SPIDR: variants seen among roughly 807,000 people sequenced by gnomAD.
SPIDR encodes DNA repair-scaffolding protein.
A neutral mutation model predicts 104.6 loss-of-function variants in SPIDR; 93 were observed. That is an observed-to-expected ratio of 0.89 (90% CI 0.75 to 1.06). The LOEUF is 1.06. SPIDR is among the 50% of genes least tolerant of loss of function. The pLI is 0.00. For synonymous variants in SPIDR, 431 were observed against 416.9 expected (o/e 1.03, Z -0.41); for missense variants, 1,154 against 1,111.2 (o/e 1.04, Z -0.55).
intron 8 of SPIDR, among the ~76,000 whole-genome samples, chr8:47,505,356 T>A (rs1046747879): frequency 1.3e-5 from 2 of 152,308 alleles, no homozygotes; most frequent in South Asian, 4.1e-4. Flanking sequence ...TCCCCAAGCC[T>A]CGCTGCCGCC....
intron 7 of SPIDR, among the ~76,000 whole-genome samples, chr8:47,437,952 G>A (rs1424209408): frequency 2.0e-5 from 3 of 152,196 alleles, no homozygotes; most frequent in Non-Finnish European, 4.4e-5. Flanking sequence ...ACTGTAGTCA[G>A]GCAGTATGAT....
In SPIDR at chr8:47,735,380, AC is replaced by A; in HGVS notation, c.2681del (p.Pro894ArgfsTer13). The A allele has an allele frequency of 6.2e-7, 1 of 1,613,936 alleles. No homozygotes were observed. The highest frequency in any genetic ancestry group is 1.1e-5 in the South Asian group (1 of 91,082). ...TGTTTTGTCCAGTCCGTAACCGCCC[AC>A]CCGACCAGCTGCATTGGATTGGAGG... ...LNCFVQSVTA[H>X]PTSCIGLEEI... is the part of the protein sequence containing the mutation. On this transcript the variant is annotated frameshift_variant, in exon 20 of 20. Coordinates refer to ENST00000297423, the MANE Select transcript of SPIDR (RefSeq NM_001080394.4). LOFTEE classifies it low-confidence loss of function (END_TRUNC).
intron 16 of SPIDR, among the ~76,000 whole-genome samples, chr8:47,722,501 G>A (rs2154492293): frequency 6.6e-6 from 1 of 152,294 alleles, no homozygotes. Context: ...GAGGGGTTTT[G>A]TTCTTCCATT....
At chr8:47,533,304 A>G (rs1302034101) in intron 8 of SPIDR, among the ~76,000 whole-genome samples, 5 of 152,180 alleles carry the variant, frequency 3.3e-5, no homozygotes, top group African/African-American at 1.2e-4. Context: ...TAAATGTAAA[A>G]TCCCAAACTA....
chr8:47,304,273 C>T (rs2154250283), intron 5 of SPIDR, among the ~76,000 whole-genome samples: 1 of 152,230 alleles, frequency 6.6e-6, no homozygotes, highest in East Asian at 1.9e-4. Context: ...TGGAAGGTGA[C>T]TGGATTATGG....
chr8:47,312,024 C>G (rs180780768), intron 5 of SPIDR, among the ~76,000 whole-genome samples: 34 of 152,254 alleles, frequency 2.2e-4, no homozygotes, highest in Non-Finnish European at 4.1e-4. Flanking sequence ...CCAGTTTGAT[C>G]CATGTCCCTA....
intron 1 of SPIDR, among the ~76,000 whole-genome samples, chr8:47,271,344 T>C (rs1192219383): frequency 6.6e-6 from 1 of 152,210 alleles, no homozygotes; most frequent in Non-Finnish European, 1.5e-5. Context: ...ATTATGCATA[T>C]ATTTGTGTGT....
At chr8:47,532,458 C>T (rs2086186135) in intron 8 of SPIDR, among the ~76,000 whole-genome samples, 3 of 152,148 alleles carry the variant, frequency 2.0e-5, no homozygotes, top group Non-Finnish European at 4.4e-5. Flanking sequence ...GGGATGCTAA[C>T]ATTGATCAAC....
intron 8 of SPIDR, among the ~76,000 whole-genome samples, chr8:47,516,418 C>G (rs970915678): frequency 1.4e-4 from 21 of 152,174 alleles, no homozygotes; most frequent in African/African-American, 4.8e-4. Flanking sequence ...ACTCTGGTGC[C>G]TACTAAACAC....
At chr8:47,669,154 G>T (rs1208727572) in intron 10 of SPIDR, among the ~76,000 whole-genome samples, 4 of 152,194 alleles carry the variant, frequency 2.6e-5, no homozygotes, top group African/African-American at 9.7e-5. Context: ...GAAGCCATTT[G>T]TGTTCCATTG....
chr8:47,388,473 T>G (rs2060203586), intron 5 of SPIDR: 1 of 154,186 alleles, frequency 6.5e-6, no homozygotes, highest in African/African-American at 2.4e-5. Context: ...AAGGATGAAC[T>G]GAACCTTGGG....
intron 5 of SPIDR, among the ~76,000 whole-genome samples, chr8:47,359,075 C>CCAGTTAAA: frequency 6.6e-6 from 1 of 151,882 alleles, no homozygotes; most frequent in East Asian, 1.9e-4. Flanking sequence ...TTCCCTCCCA[C>CCAGTTAAA]CAGTTAAAAA....
chr8:47,650,674 C>T (rs2071444872), intron 10 of SPIDR, among the ~76,000 whole-genome samples: 1 of 152,152 alleles, frequency 6.6e-6, no homozygotes, highest in South Asian at 2.1e-4. Context: ...AAGAATAAAT[C>T]TGGAGGTGTC....
intron 5 of SPIDR, among the ~76,000 whole-genome samples, chr8:47,339,922 A>G (rs1554612639): frequency 1.3e-5 from 2 of 151,766 alleles, no homozygotes; most frequent in Non-Finnish European, 2.9e-5. Flanking sequence ...CTCGTGATCC[A>G]CCTGCCTCGG....
At chr8:47,478,396 A>G (rs782816880) in intron 8 of SPIDR, among the ~76,000 whole-genome samples, 4 of 152,186 alleles carry the variant, frequency 2.6e-5, no homozygotes, top group Admixed American at 6.5e-5. Flanking sequence ...TTAGGCTGCC[A>G]TGACTGGGAG....
intron 8 of SPIDR, among the ~76,000 whole-genome samples, chr8:47,552,177 T>G (rs998070792): frequency 1.3e-5 from 2 of 152,148 alleles, no homozygotes; most frequent in East Asian, 3.8e-4. Context: ...TGCTGAGGAG[T>G]GCTTTACTTC....
intron 8 of SPIDR, among the ~76,000 whole-genome samples, chr8:47,581,718 C>A (rs963684418): frequency 6.6e-6 from 1 of 152,048 alleles, no homozygotes; most frequent in Non-Finnish European, 1.5e-5. Flanking sequence ...TCAATCTATC[C>A]CCCTTTAGAT....
intron 10 of SPIDR, among the ~76,000 whole-genome samples, chr8:47,647,677 GGAGAGA>G (rs140899135): frequency 1.4e-5 from 1 of 69,556 alleles, no homozygotes; most frequent in African/African-American, 4.1e-5. Flanking sequence ...AGGGAGAGAG[GGAGAGA>G]GAGAGAGAGA....
chr8:47,272,364 G>T (rs1029406811), intron 1 of SPIDR, among the ~76,000 whole-genome samples: 1 of 152,114 alleles, frequency 6.6e-6, no homozygotes, highest in Non-Finnish European at 1.5e-5. Context: ...CCTCCCCAGG[G>T]TTTCTGTTTG....
Sources: gnomAD v4.1 joint callset for allele counts (sites outside exome capture counted in the v4.1 genomes callset) on GRCh38, gnomAD v4.1.1 for gene constraint, MANE v1.5 for transcripts, NCBI Gene and HGNC (gene_info 2026-07-23, HGNC 2026-07-21) for gene names.